Variants in ANXA8 observed in about 807,000 individuals in gnomAD.
The protein encoded by ANXA8 is VAC-beta.
ANXA8 carries 9 observed loss-of-function variants against 26.8 expected under a neutral mutation model. That is an observed-to-expected ratio of 0.34 (90% CI 0.20 to 0.59). ANXA8 has a LOEUF of 0.59. Ranked by LOEUF, ANXA8 falls within the 20% of genes least tolerant of loss-of-function variation. The pLI is 0.84. For missense variants in ANXA8, 83 were observed against 238.5 expected (o/e 0.35, Z 4.29); for synonymous variants, 39 against 94.8 (o/e 0.41, Z 3.42).
the ANXA8 span, among the ~76,000 whole-genome samples, chr10:47,920,267 C>T: frequency 2.2e-5 from 2 of 92,562 alleles, no homozygotes; most frequent in African/African-American, 5.5e-5. Flanking sequence ...GACAGAGTCT[C>T]GCTCTGTTGC....
the ANXA8 span, among the ~76,000 whole-genome samples, chr10:47,557,333 C>G: frequency 6.6e-6 from 1 of 151,276 alleles, no homozygotes; most frequent in East Asian, 1.9e-4. Context: ...TTTCTTAGCT[C>G]CTATATGCAG....
chr10:47,647,097 A>G, the ANXA8 span, among the ~76,000 whole-genome samples: 18 of 152,264 alleles, frequency 1.2e-4, no homozygotes, highest in African/African-American at 4.1e-4. Context: ...ATCTGGCTCA[A>G]ACATAAACAC....
chr10:47,583,918 G>T, the ANXA8 span, among the ~76,000 whole-genome samples: 1 of 128,616 alleles, frequency 7.8e-6, no homozygotes, highest in Non-Finnish European at 1.6e-5. Flanking sequence ...GGTGGCTCAT[G>T]CCTGTAATCC....
chr10:47,918,435 G>GAAAGAA, the ANXA8 span, among the ~76,000 whole-genome samples: 1 of 35,074 alleles, frequency 2.9e-5, no homozygotes, highest in African/African-American at 1.3e-4. Context: ...GAAAGAAAGA[G>GAAAGAA]AGAGAGAAAG....
the ANXA8 span, chr10:47,588,995 G>T: frequency 6.9e-6 from 1 of 144,614 alleles, no homozygotes; most frequent in Non-Finnish European, 1.5e-5. Flanking sequence ...TGTATATTTT[G>T]TAGAGACGGG....
chr10:47,951,713 A>T, the ANXA8 span, among the ~76,000 whole-genome samples: 1 of 143,698 alleles, frequency 7.0e-6, no homozygotes, highest in African/African-American at 2.6e-5. Flanking sequence ...CAGGAAGCTG[A>T]GGCAGGAGAA....
chr10:47,495,597 T>C, the ANXA8 span, among the ~76,000 whole-genome samples: 3 of 149,934 alleles, frequency 2.0e-5, no homozygotes. Context: ...AGCAGCTTAA[T>C]TTTACAGTGT....
At chr10:47,501,774 A>T in the ANXA8 span, 3 of 432,886 alleles carry the variant, frequency 6.9e-6, no homozygotes, top group African/African-American at 6.3e-5. Flanking sequence ...ATGCACATTT[A>T]TGAAATTTTT....
chr10:47,742,658 T>C, the ANXA8 span, among the ~76,000 whole-genome samples: 1 of 128,454 alleles, frequency 7.8e-6, no homozygotes, highest in Admixed American at 8.3e-5. Flanking sequence ...AGTTAGAAAA[T>C]AAAACATTTT....
chr10:47,763,972 C>T, the ANXA8 span, among the ~76,000 whole-genome samples: 4 of 152,102 alleles, frequency 2.6e-5, no homozygotes, highest in East Asian at 1.9e-4. Context: ...CTTTGGCTCA[C>T]CTAAGGCGAG....
the ANXA8 span, among the ~76,000 whole-genome samples, chr10:47,988,764 G>C: frequency 1.3e-5 from 2 of 151,508 alleles, no homozygotes; most frequent in Non-Finnish European, 3.0e-5. Flanking sequence ...CTCAGAATTG[G>C]AGGCCATCAA....
At chr10:47,525,390 A>G in the ANXA8 span, among the ~76,000 whole-genome samples, 1 of 143,536 alleles carries the variant, frequency 7.0e-6, no homozygotes, top group Non-Finnish European at 1.5e-5. Flanking sequence ...TGGACAACAG[A>G]GCAGGACTCC....
the ANXA8 span, among the ~76,000 whole-genome samples, chr10:47,681,522 A>AATTTTT: frequency 6.0e-5 from 5 of 82,912 alleles, no homozygotes; most frequent in African/African-American, 9.2e-5. Context: ...TTTTATTTTT[A>AATTTTT]CTTTTTTTTT....
At chr10:47,671,333 G>A in the ANXA8 span, among the ~76,000 whole-genome samples, 2 of 151,738 alleles carry the variant, frequency 1.3e-5, no homozygotes, top group East Asian at 3.9e-4. Context: ...GAGGTGGGAG[G>A]ATAGCTTGAG....
At chr10:47,580,501 T>G in the ANXA8 span, among the ~76,000 whole-genome samples, 1 of 151,036 alleles carries the variant, frequency 6.6e-6, no homozygotes, top group Non-Finnish European at 1.5e-5. Context: ...TTAGTGAGGC[T>G]GAGACAGGCG....
chr10:47,930,709 G>A, the ANXA8 span, among the ~76,000 whole-genome samples: 1 of 152,306 alleles, frequency 6.6e-6, no homozygotes, highest in Non-Finnish European at 1.5e-5. Context: ...AGCAAGAACA[G>A]GCTGTTCACG....
the ANXA8 span, among the ~76,000 whole-genome samples, chr10:47,535,121 C>G: frequency 1.1e-4 from 14 of 126,132 alleles, 3 homozygotes; most frequent in African/African-American, 5.0e-4. Flanking sequence ...ATCATGGGCG[C>G]GCAACACATG....
chr10:47,702,342 T>C, the ANXA8 span, among the ~76,000 whole-genome samples: 1 of 149,180 alleles, frequency 6.7e-6, no homozygotes, highest in East Asian at 1.9e-4. Context: ...TCTTTTCTTT[T>C]CTTTTTTTTT....
the ANXA8 span, among the ~76,000 whole-genome samples, chr10:47,513,191 C>A: frequency 6.7e-6 from 1 of 149,588 alleles, no homozygotes; most frequent in South Asian, 2.1e-4. Context: ...AGCGCCACCA[C>A]GCCCGGCTAA....
Sources: gnomAD v4.1 joint callset for allele counts (sites outside exome capture counted in the v4.1 genomes callset) on GRCh38, gnomAD v4.1.1 for gene constraint, MANE v1.5 for transcripts, NCBI Gene and HGNC (gene_info 2026-07-23, HGNC 2026-07-21) for gene names.